The following EGFR variants were observed in gnomAD, a reference collection of about 807,000 sequenced individuals.
The protein encoded by EGFR is avian erythroblastic leukemia viral (v-erb-b) oncogene homolog.
A neutral mutation model predicts 143.0 loss-of-function variants in EGFR; 58 were observed. The observed-to-expected ratio is 0.41, with a 90% CI of 0.33 to 0.50. EGFR has a LOEUF of 0.50. Ranked by LOEUF, EGFR falls within the 20% of genes least tolerant of loss-of-function variation. EGFR has a pLI of 0.39. For missense variants in EGFR, 1,307 were observed against 1,579.0 expected (o/e 0.83, Z 2.92); for synonymous variants, 613 against 594.4 (o/e 1.03, Z -0.45).
chr7:55,105,709 A>C (rs1266841183), intron 1 of EGFR, among the ~76,000 whole-genome samples: 1 of 152,240 alleles, frequency 6.6e-6, no homozygotes, highest in Non-Finnish European at 1.5e-5. Context: ...ACAAAACATC[A>C]GTCTAATCAG....
intron 1 of EGFR, among the ~76,000 whole-genome samples, chr7:55,103,931 T>C (rs1255588385): frequency 2.0e-5 from 3 of 152,234 alleles, no homozygotes; most frequent in Non-Finnish European, 2.9e-5. Flanking sequence ...TGACATTGTT[T>C]CTAAAAATTC....
chr7:55,156,996 G>A (rs948186700), intron 10 of EGFR, 164 bp downstream of exon 10: 4 of 1,475,586 alleles, frequency 2.7e-6, no homozygotes, highest in Non-Finnish European at 3.6e-6. Flanking sequence ...TTCTCCTGCA[G>A]GCAAAAGGGG....
intron 20 of EGFR, among the ~76,000 whole-genome samples, chr7:55,185,222 C>T (rs1206380090): frequency 6.6e-6 from 1 of 152,216 alleles, no homozygotes; most frequent in African/African-American, 2.4e-5. Context: ...AGAGACATCC[C>T]TTGCCATCTA....
intron 1 of EGFR, among the ~76,000 whole-genome samples, chr7:55,049,693 C>G (rs1788374643): frequency 1.3e-5 from 2 of 152,250 alleles, no homozygotes; most frequent in Middle Eastern, 3.4e-3. Context: ...ATTGCAGGAA[C>G]AGCCAATGAG....
intron 22 of EGFR, among the ~76,000 whole-genome samples, chr7:55,197,846 G>A (rs1303865721): frequency 1.3e-5 from 2 of 152,200 alleles, no homozygotes; most frequent in Non-Finnish European, 2.9e-5. Context: ...CAGGGATGAA[G>A]CCGACTTGAT....
At chr7:55,160,113 C>T (rs1204528771) in intron 11 of EGFR, 26 bp from the exon 12 acceptor site, 2 of 1,612,716 alleles carry the variant, frequency 1.2e-6, no homozygotes, top group Non-Finnish European at 1.7e-6. Flanking sequence ...TTTTTCACCA[C>T]ATGATTTTTC....
In EGFR at chr7:55,157,699, C is replaced by T. The variant is rs1274543317; in HGVS notation, c.1244C>T (p.Thr415Met). ...ATTCAGGCTTGGCCTGAAAACAGGA[C>T]GGACCTCCATGCCTTTGAGAACCTA... ...LLIQAWPENRTDLHAFENLEI... is the reference protein window; with the variant it reads ...LLIQAWPENRMDLHAFENLEI... The change falls in exon 11 of 28, where the codon ACG becomes ATG. Residue 415 changes from threonine (T) to methionine (M), a missense_variant. Thr to Met is a moderately conservative substitution (Grantham distance 81). Transcript: ENST00000275493. 5 of 1,614,206 alleles carry T rather than the reference C, an allele frequency of 3.1e-6. No individual in the cohort carries two copies. Among genetic ancestry groups the T allele is most frequent in the Admixed American group, 3.3e-5 (2 of 60,028 alleles).
intron 13 of EGFR, among the ~76,000 whole-genome samples, chr7:55,162,207 T>C (rs1785743136): frequency 6.6e-6 from 1 of 152,224 alleles, no homozygotes; most frequent in Admixed American, 6.5e-5. Flanking sequence ...TTCTTGATAT[T>C]GATGTAAGGC....
intron 1 of EGFR, among the ~76,000 whole-genome samples, chr7:55,095,188 C>T (rs1791380963): frequency 6.6e-6 from 1 of 152,224 alleles, no homozygotes; most frequent in South Asian, 2.1e-4. Flanking sequence ...AGACACAGAG[C>T]AACCCTGCAA....
intron 1 of EGFR, among the ~76,000 whole-genome samples, chr7:55,075,665 C>T (rs544184045): frequency 1.2e-4 from 19 of 152,286 alleles, no homozygotes; most frequent in Admixed American, 4.6e-4. Flanking sequence ...GAACCTACCA[C>T]CGTAGTGAGG....
At chr7:55,026,823 G>A (rs1255109276) in intron 1 of EGFR, among the ~76,000 whole-genome samples, 3 of 151,668 alleles carry the variant, frequency 2.0e-5, no homozygotes, top group East Asian at 3.9e-4. Context: ...AATTCACCAG[G>A]AGTGCCTCCC....
chr7:55,109,712 G>A (rs549296937), intron 1 of EGFR: 2 of 985,078 alleles, frequency 2.0e-6, no homozygotes, highest in Admixed American at 1.2e-4. Flanking sequence ...TTGACTCACA[G>A]GACAAATTCT....
intron 20 of EGFR, among the ~76,000 whole-genome samples, chr7:55,184,950 AC>A (rs1584245256): frequency 6.6e-6 from 1 of 152,244 alleles, no homozygotes; most frequent in African/African-American, 2.4e-5. Context: ...TTAGTGGCTG[AC>A]CAGAAACTAA....
rs1397253750 is a variant in EGFR at position 55,199,656 on chromosome 7, A to C, written c.2849-660A>C. Among the ~76,000 whole-genome samples the C allele has an allele frequency of 2.0e-5, 3 of 152,256 alleles. No homozygotes were observed. The South Asian group carries it at 6.2e-4, about 32-fold the overall frequency. ...AAATAAATGTGATCCCTCAAGAGGC[A>C]TGAGGATTTCCAGGCAGTAGCCATA... On this transcript the variant is annotated intron_variant, in intron 23 of 27. Coordinates refer to ENST00000275493, the MANE Select transcript of EGFR (RefSeq NM_005228.5).
At chr7:55,074,634 G>A (rs1461983674) in intron 1 of EGFR, among the ~76,000 whole-genome samples, 1 of 152,068 alleles carries the variant, frequency 6.6e-6, no homozygotes, top group Non-Finnish European at 1.5e-5. Flanking sequence ...TTGGATATAC[G>A]ACATGATTAA....
At chr7:55,180,588 C>G (rs1266614759) in intron 19 of EGFR, 1 of 153,162 alleles carries the variant, frequency 6.5e-6, no homozygotes, top group African/African-American at 2.4e-5. Flanking sequence ...GGCAGCCAGG[C>G]AGCCTTTAGT....
At chr7:55,125,710 A>G (rs1793484157) in intron 1 of EGFR, among the ~76,000 whole-genome samples, 1 of 152,070 alleles carries the variant, frequency 6.6e-6, no homozygotes, top group Non-Finnish European at 1.5e-5. Context: ...CACAGCCAGG[A>G]TGAGGCATTG....
intron 15 of EGFR, among the ~76,000 whole-genome samples, chr7:55,166,779 ATGTTGGTGG>A (rs1278789480): frequency 7.8e-6 from 1 of 128,330 alleles, no homozygotes; most frequent in Admixed American, 7.3e-5. Context: ...GAGAGTCACA[ATGTTGGTGG>A]TGTTGGTGGT....
rs1787081112 is a variant in EGFR, at chr7:55,028,729, A to T, written c.88+9364A>T. On this transcript the variant is annotated intron_variant, in intron 1 of 27. Coordinates refer to ENST00000275493, the MANE Select transcript of EGFR (RefSeq NM_005228.5). ...CTTGCAAGATCTAATGGCTCCAACT[A>T]GATTTTTAAAATAAAGTATATTTTA... Among the ~76,000 whole-genome samples the T allele has an allele frequency of 2.0e-5, 3 of 152,314 alleles. No individual in the cohort carries two copies. The South Asian group carries it at 6.2e-4, about 32-fold the overall frequency.
Sources: gnomAD v4.1 joint callset for allele counts (sites outside exome capture counted in the v4.1 genomes callset) on GRCh38, gnomAD v4.1.1 for gene constraint, MANE v1.5 for transcripts, NCBI Gene and HGNC (gene_info 2026-07-23, HGNC 2026-07-21) for gene names.